Variants in KANSL1L observed in about 807,000 individuals in gnomAD.
KANSL1L encodes KAT8 regulatory NSL complex subunit 1-like protein.
KANSL1L carries 25 observed loss-of-function variants against 108.6 expected under a neutral mutation model. The observed-to-expected ratio is 0.23, with a 90% confidence interval of 0.17 to 0.32. KANSL1L has a LOEUF of 0.32. Among genes scored for constraint, KANSL1L ranks in the 10% least tolerant of loss-of-function variants. KANSL1L has a pLI of 1.00. For missense variants in KANSL1L, 1,137 were observed against 1,125.7 expected (o/e 1.01, Z -0.14); for synonymous variants, 405 against 395.1 (o/e 1.03, Z -0.30).
intron 1 of KANSL1L, among the ~76,000 whole-genome samples, chr2:210,159,546 C>T (rs1011702336): frequency 6.6e-6 from 1 of 152,106 alleles, no homozygotes; most frequent in African/African-American, 2.4e-5. Flanking sequence ...TAGAATAATG[C>T]CTGGCACACA....
chr2:210,128,965 C>T, intron 3 of KANSL1L, 66 bp downstream of exon 3: 1 of 1,249,820 alleles, frequency 8.0e-7, no homozygotes, highest in Non-Finnish European at 1.1e-6. Context: ...TTTTTGTGAT[C>T]AAATGAGAAG....
intron 8 of KANSL1L, among the ~76,000 whole-genome samples, chr2:210,037,998 T>C (rs1026253311): frequency 3.3e-5 from 5 of 152,128 alleles, no homozygotes; most frequent in African/African-American, 7.2e-5. Flanking sequence ...TTACCAGATA[T>C]AGAAGTAAAA....
intron 12 of KANSL1L, among the ~76,000 whole-genome samples, chr2:210,026,830 G>A (rs938838139): frequency 3.3e-5 from 5 of 152,134 alleles, no homozygotes; most frequent in African/African-American, 1.2e-4. Context: ...GAGTGCAGTG[G>A]TGCGATCTCG....
At chr2:210,057,751 AC>A (rs778392239) in intron 6 of KANSL1L, among the ~76,000 whole-genome samples, 5 of 152,148 alleles carry the variant, frequency 3.3e-5, no homozygotes, top group Admixed American at 6.5e-5. Flanking sequence ...ATAATTTCTT[AC>A]GCCTGTCTTT....
rs1333828337 is a variant in KANSL1L, at chr2:210,024,141, G to A, written c.2625C>T (p.Phe875=). The change falls in exon 14 of 15, where the codon TTC becomes TTT. Residue 875 remains phenylalanine (F), a synonymous_variant. Transcript: ENST00000281772. ...CAGCAGCACATTGCTGACTGCTACT[G>A]AAGTTATTAGGGTATTCTTTCAAAA... ...DLLLKEYPNN[F]SSSQQCAAAS... is the part of the protein sequence containing the mutation. The A allele has an allele frequency of 1.9e-6, 3 of 1,610,532 alleles. No individual in the cohort carries two copies. In the African/African-American group the frequency reaches 4.0e-5, roughly 22 times the overall value.
In KANSL1L at chr2:210,021,993, A is replaced by G. The variant is rs979441403; in HGVS notation, c.*956T>C. 6.6e-6 allele frequency: 1 copy of G among 150,994 alleles called. No homozygotes were observed. Among genetic ancestry groups the G allele is most frequent in the African/African-American group, 2.5e-5 (1 of 40,720 alleles). 9.4% of individuals were successfully genotyped at this position (150,994 alleles called of 1,614,324 possible). A position where few individuals can be genotyped will look rare whatever the true frequency, so the allele number is the denominator to read the frequency against. ...TAACTAATTTCTTGCTAATCTAGAAATACAATCATCTTTTTTTTTTTTTTC... is the reference window on the plus strand; with the variant it reads ...TAACTAATTTCTTGCTAATCTAGAAGTACAATCATCTTTTTTTTTTTTTTC... On this transcript the variant is annotated 3_prime_UTR_variant, in exon 15 of 15. Transcript: ENST00000281772.
At chr2:210,124,892 A>G (rs1271540304) in intron 3 of KANSL1L, among the ~76,000 whole-genome samples, 1 of 152,178 alleles carries the variant, frequency 6.6e-6, no homozygotes. Context: ...AACAAATTAA[A>G]TAACCTAGAT....
At chr2:210,132,282 A>G (rs1449679386) in intron 2 of KANSL1L, among the ~76,000 whole-genome samples, 2 of 152,208 alleles carry the variant, frequency 1.3e-5, no homozygotes, top group African/African-American at 2.4e-5. Flanking sequence ...CAAATAGCAT[A>G]TAACTAATGC....
chr2:210,037,901 C>A (rs1301465081), intron 8 of KANSL1L, among the ~76,000 whole-genome samples: 1 of 152,120 alleles, frequency 6.6e-6, no homozygotes, highest in Non-Finnish European at 1.5e-5. Flanking sequence ...TGTCTATAAA[C>A]AGCAGGCTTA....
chr2:210,102,316 C>A (rs190994662), intron 4 of KANSL1L, among the ~76,000 whole-genome samples: 1 of 152,176 alleles, frequency 6.6e-6, no homozygotes, highest in East Asian at 1.9e-4. Context: ...AAAATTAATT[C>A]AAGATGGATT....
At position 210,154,406 on chromosome 2, in the gene KANSL1L, A is replaced by AT; in HGVS notation, c.176dup (p.Asn59LysfsTer3). The AT allele has an allele frequency of 6.2e-7, 1 of 1,612,214 alleles. No individual in the cohort carries two copies. The highest frequency in any genetic ancestry group is 2.2e-5 in the East Asian group (1 of 44,858). On this transcript the variant is annotated frameshift_variant, in exon 2 of 15. Transcript: ENST00000281772. LOFTEE classifies it high-confidence loss of function. ...AATGTTTTAAATTCACAAAATTAGT[A>AT]TTAAGAGTAGGTTCAGGAGTTGGAA...
chr2:210,066,728 T>C (rs1440038708), intron 6 of KANSL1L, among the ~76,000 whole-genome samples: 2 of 152,238 alleles, frequency 1.3e-5, no homozygotes, highest in Admixed American at 6.5e-5. Context: ...TACATCTTTG[T>C]TGTTTTATCA....
intron 5 of KANSL1L, among the ~76,000 whole-genome samples, chr2:210,083,652 C>A (rs2094609267): frequency 6.6e-6 from 1 of 151,732 alleles, no homozygotes; most frequent in Non-Finnish European, 1.5e-5. Context: ...CACGGTGAAA[C>A]CCCGTCTCTA....
At chr2:210,136,343 G>A (rs575192236) in intron 2 of KANSL1L, among the ~76,000 whole-genome samples, 3 of 151,960 alleles carry the variant, frequency 2.0e-5, no homozygotes, top group Non-Finnish European at 4.4e-5. Flanking sequence ...GCATTCTATC[G>A]CTACCACGCC....
At chr2:210,052,905 T>C (rs931534415) in intron 6 of KANSL1L, among the ~76,000 whole-genome samples, 1 of 152,250 alleles carries the variant, frequency 6.6e-6, no homozygotes, top group Non-Finnish European at 1.5e-5. Flanking sequence ...CATGAGGCTC[T>C]ATTTCCTCAA....
intron 1 of KANSL1L, among the ~76,000 whole-genome samples, chr2:210,170,858 C>A (rs1198374088): frequency 2.6e-5 from 4 of 151,662 alleles, no homozygotes; most frequent in Non-Finnish European, 4.4e-5. Context: ...CCCACGTGAC[C>A]GGCGTCCAGG....
rs1378580402 is a variant in KANSL1L, at chr2:210,109,015, T to TA, written c.1231-4715dup. Among the ~76,000 whole-genome samples the TA allele has an allele frequency of 3.3e-5, 5 of 152,080 alleles. No homozygotes were observed. In the South Asian group the frequency reaches 8.3e-4, roughly 25 times the overall value. On this transcript the variant is annotated intron_variant, in intron 3 of 14. Coordinates refer to ENST00000281772, the MANE Select transcript of KANSL1L (RefSeq NM_152519.4). ...ATGTTGTTTCACACCTTCAAACCTG[T>TA]AAAAAACGCCTTTTTCTAGTTCCAT...
chr2:210,091,490 T>G (rs368913598), intron 5 of KANSL1L, among the ~76,000 whole-genome samples: 3 of 152,134 alleles, frequency 2.0e-5, no homozygotes, highest in East Asian at 3.9e-4. Context: ...TCTTCCACTT[T>G]CCCATAACCA....
At chr2:210,147,280 CT>C (rs1477349273) in intron 2 of KANSL1L, among the ~76,000 whole-genome samples, 1 of 152,032 alleles carries the variant, frequency 6.6e-6, no homozygotes, top group Non-Finnish European at 1.5e-5. Context: ...GGCAACATAG[CT>C]AAACCTTGTC....
Sources: gnomAD v4.1 joint callset for allele counts (sites outside exome capture counted in the v4.1 genomes callset) on GRCh38, gnomAD v4.1.1 for gene constraint, MANE v1.5 for transcripts, NCBI Gene and HGNC (gene_info 2026-07-23, HGNC 2026-07-21) for gene names.